The following GALNT18 variants were observed in gnomAD, a reference collection of about 807,000 sequenced individuals.
GALNT18 encodes polypeptide N-acetylgalactosaminyltransferase 18.
GALNT18 carries 44 observed loss-of-function variants against 69.5 expected under a neutral mutation model. The observed-to-expected ratio is 0.63, with a 90% CI of 0.50 to 0.81. GALNT18 has a LOEUF of 0.81. Among genes scored for constraint, GALNT18 ranks in the 40% least tolerant of loss-of-function variants. GALNT18 has a pLI of 0.00. For missense variants in GALNT18, 715 were observed against 810.0 expected (o/e 0.88, Z 1.42); for synonymous variants, 364 against 318.2 (o/e 1.14, Z -1.53).
chr11:11,486,914 C>T (rs1856658678), intron 1 of GALNT18, among the ~76,000 whole-genome samples: 1 of 152,256 alleles, frequency 6.6e-6, no homozygotes, highest in South Asian at 2.1e-4. Context: ...ATAAATGTTC[C>T]TGCCATCTCC....
At chr11:11,352,907 C>T in intron 6 of GALNT18, 1 of 1,614,100 alleles carries the variant, frequency 6.2e-7, no homozygotes, top group Non-Finnish European at 8.5e-7. Flanking sequence ...TTTTTACTGG[C>T]TTGAGAATTT....
At chr11:11,394,766 G>A (rs1316643946) in intron 3 of GALNT18, among the ~76,000 whole-genome samples, 1 of 152,218 alleles carries the variant, frequency 6.6e-6, no homozygotes, top group Admixed American at 6.5e-5. Flanking sequence ...GGTACCGACA[G>A]GCGGGGTCTG....
chr11:11,432,618 C>T lies in GALNT18; in HGVS notation c.595+3G>A. 2 of 1,603,726 alleles carry T rather than the reference C, an allele frequency of 1.2e-6. No homozygotes were observed. Among genetic ancestry groups the T allele is most frequent in the Middle Eastern group, 1.7e-4 (1 of 6,056 alleles). On this transcript the variant is annotated splice_donor_region_variant and intron_variant, in intron 3 of 10. Coordinates refer to ENST00000227756, the MANE Select transcript of GALNT18 (RefSeq NM_198516.3). This position sits in a 1 kb window ranked among gnomAD's most constrained non-coding sequence, Gnocchi z 5.8. ...CTGGGCCCTGGGAAGCTCCGACACT[C>T]ACCGTTACTGCTGTTGTCATCCACC...
In GALNT18 at chr11:11,430,853, T is replaced by C. The variant is rs1855247842; in HGVS notation, c.595+1768A>G. 6.6e-6 allele frequency among the ~76,000 whole-genome samples: 1 copy of C among 152,178 alleles called. No homozygotes were observed. The highest frequency in any genetic ancestry group is 2.4e-5 in the African/African-American group (1 of 41,436). ...TCCATTTCCCTTCTTCAAGATGCCC[T>C]TTTCCCCCGCCAATATAATAAAGCA... On this transcript the variant is annotated intron_variant, in intron 3 of 10. Transcript: ENST00000227756. This position sits in a 1 kb window ranked among gnomAD's most constrained non-coding sequence, Gnocchi z 4.9.
intron 1 of GALNT18, among the ~76,000 whole-genome samples, chr11:11,549,271 C>A (rs963772879): frequency 1.3e-5 from 2 of 152,188 alleles, no homozygotes; most frequent in Non-Finnish European, 2.9e-5. Context: ...CTAGACCAGT[C>A]CCAGACTGCT....
At chr11:11,365,128 C>T (rs1213001613) in intron 6 of GALNT18, among the ~76,000 whole-genome samples, 1 of 151,962 alleles carries the variant, frequency 6.6e-6, no homozygotes, top group African/African-American at 2.4e-5. Flanking sequence ...TGGACCCATC[C>T]TTTAAGTTCC....
chr11:11,495,776 G>T (rs1033498229), intron 1 of GALNT18, among the ~76,000 whole-genome samples: 1 of 152,168 alleles, frequency 6.6e-6, no homozygotes, highest in Admixed American at 6.5e-5. Context: ...TATAGAAGCG[G>T]TAGCAGAGGC....
intron 7 of GALNT18, among the ~76,000 whole-genome samples, chr11:11,336,022 T>A (rs1030454131): frequency 1.3e-5 from 2 of 152,166 alleles, no homozygotes; most frequent in African/African-American, 2.4e-5. Flanking sequence ...CTTAGCCACA[T>A]AAAAAGTGCC....
At chr11:11,364,985 T>C (rs1045511561) in intron 6 of GALNT18, among the ~76,000 whole-genome samples, 7 of 149,418 alleles carry the variant, frequency 4.7e-5, no homozygotes, top group Non-Finnish European at 1.0e-4. Flanking sequence ...TTCGATATTG[T>C]CCATAATAAA....
chr11:11,528,571 A>T (rs1857570711), intron 1 of GALNT18, among the ~76,000 whole-genome samples: 1 of 152,230 alleles, frequency 6.6e-6, no homozygotes, highest in Non-Finnish European at 1.5e-5. Flanking sequence ...GGAATTAATC[A>T]GAGACTGATA....
rs1172537228 is a variant in GALNT18 at position 11,496,741 on chromosome 11, A to C, written c.236-47805T>G. Reference sequence around the variant, plus strand: ...ATCCCCCACTACTCTGAATCCACCCACCTGGCTGCTTCTGCTATCCCCACT... The same window carrying C: ...ATCCCCCACTACTCTGAATCCACCCCCCTGGCTGCTTCTGCTATCCCCACT... On this transcript the variant is annotated intron_variant, in intron 1 of 10. Coordinates refer to ENST00000227756, the MANE Select transcript of GALNT18 (RefSeq NM_198516.3). This position sits in a 1 kb window ranked among gnomAD's most constrained non-coding sequence, Gnocchi z 4.0. Among the ~76,000 whole-genome samples the C allele has an allele frequency of 1.3e-5, 2 of 152,002 alleles. No homozygotes were observed. Among genetic ancestry groups the C allele is most frequent in the Non-Finnish European group, 2.9e-5 (2 of 67,972 alleles).
intron 6 of GALNT18, among the ~76,000 whole-genome samples, chr11:11,348,310 G>A (rs983832366): frequency 2.0e-5 from 3 of 151,262 alleles, no homozygotes; most frequent in Non-Finnish European, 4.4e-5. Context: ...CCCAGGAGGC[G>A]GAGATTGCAG....
chr11:11,289,369 G>T (rs183031471), intron 10 of GALNT18, among the ~76,000 whole-genome samples: 1 of 152,178 alleles, frequency 6.6e-6, no homozygotes, highest in African/African-American at 2.4e-5. Context: ...AGCACTCCGG[G>T]GAGTTTTAAG....
At chr11:11,353,743 C>A (rs934935206) in intron 6 of GALNT18, among the ~76,000 whole-genome samples, 5 of 152,110 alleles carry the variant, frequency 3.3e-5, no homozygotes, top group Admixed American at 1.3e-4. Flanking sequence ...ACTCTTTAAA[C>A]GAGTGTCCAA....
chr11:11,335,401 A>C (rs1450787222), intron 7 of GALNT18, among the ~76,000 whole-genome samples: 1 of 152,154 alleles, frequency 6.6e-6, no homozygotes, highest in East Asian at 1.9e-4. Flanking sequence ...TATAAATTTC[A>C]TCAAACCCAT....
intron 10 of GALNT18, among the ~76,000 whole-genome samples, chr11:11,273,320 C>T (rs147066335): frequency 7.7e-4 from 117 of 152,154 alleles, no homozygotes; most frequent in African/African-American, 2.7e-3. Context: ...GATTAATAAC[C>T]AAGATACATA....
At chr11:11,581,839 A>AG (rs1859096066) in intron 1 of GALNT18, among the ~76,000 whole-genome samples, 1 of 152,008 alleles carries the variant, frequency 6.6e-6, no homozygotes, top group African/African-American at 2.4e-5. Context: ...ACATGCTGGG[A>AG]GCCTCTTTTC....
At chr11:11,509,190 T>A (rs1267160293) in intron 1 of GALNT18, among the ~76,000 whole-genome samples, 1 of 152,172 alleles carries the variant, frequency 6.6e-6, no homozygotes, top group Non-Finnish European at 1.5e-5. Flanking sequence ...CTTTTCTGAC[T>A]TCTCTTAATC....
At chr11:11,334,125 T>C (rs1384962088) in intron 7 of GALNT18, among the ~76,000 whole-genome samples, 1 of 152,082 alleles carries the variant, frequency 6.6e-6, no homozygotes, top group African/African-American at 2.4e-5. Context: ...ACTCCAGGGA[T>C]TGAGTTACTG....
Sources: allele counts gnomAD v4.1 joint callset (sites outside exome capture counted in the v4.1 genomes callset), GRCh38; gene constraint gnomAD v4.1.1; non-coding constraint Gnocchi (gnomAD v3.1); transcripts MANE v1.5; gene names NCBI Gene and HGNC (gene_info 2026-07-23, HGNC 2026-07-21).